Variants in ACTN4 observed in about 807,000 individuals in gnomAD.
The protein encoded by ACTN4 is alpha-actinin-4.
A neutral mutation model predicts 114.2 loss-of-function variants in ACTN4; 18 were observed. The ratio of observed to expected loss-of-function variants is 0.16; its 90% CI spans 0.11 to 0.23. ACTN4 has a LOEUF of 0.23. ACTN4 is among the 10% of genes least tolerant of loss of function. The pLI, the probability that ACTN4 is intolerant of heterozygous loss-of-function variation, is 1.00. For synonymous variants in ACTN4, 515 were observed against 506.3 expected (o/e 1.02, Z -0.23); for missense variants, 722 against 1,262.9 (o/e 0.57, Z 6.49).
intron 5 of ACTN4, 73 bp from the exon 6 acceptor site, chr19:38,708,044 G>GGTGCA (rs371745935): frequency 1.4e-6 from 2 of 1,447,000 alleles, no homozygotes; most frequent in African/African-American, 2.8e-5. Context: ...CACTGCTGTG[G>GGTGCA]GTGCACAGGG....
chr19:38,710,433 C>T, intron 8 of ACTN4, 91 bp downstream of exon 8: 1 of 1,395,020 alleles, frequency 7.2e-7, no homozygotes, highest in South Asian at 1.2e-5. Flanking sequence ...ATTTCTCTTG[C>T]AGACGGCAGT....
At position 38,724,294 on chromosome 19, in the gene ACTN4, C is replaced by T. The variant is rs760030691; in HGVS notation, c.1830C>T (p.Pro610=). ...ACATCAAGCTGTCGGGCAGCAACCC[C>T]TACACCACCGTCACCCCGCAAATCA... ...SNHIKLSGSN[P]YTTVTPQIIN... The change falls in exon 15 of 21, where the codon CCC becomes CCT. Residue 610 remains proline (P), a synonymous_variant. Coordinates refer to ENST00000252699, the MANE Select transcript of ACTN4 (RefSeq NM_004924.6). This position sits in a 1 kb window ranked among gnomAD's most constrained non-coding sequence, Gnocchi z 7.0. 2.5e-6 allele frequency: 4 copies of T among 1,613,918 alleles called. No homozygotes were observed. The South Asian group carries it at 4.4e-5, about 18-fold the overall frequency.
chr19:38,697,968 A>G (rs1299853753), intron 1 of ACTN4, among the ~76,000 whole-genome samples: 1 of 152,234 alleles, frequency 6.6e-6, no homozygotes, highest in Non-Finnish European at 1.5e-5. Flanking sequence ...GTAAAGGTGC[A>G]GGCGCCGTAC....
At chr19:38,696,473 C>T (rs191922927) in intron 1 of ACTN4, among the ~76,000 whole-genome samples, 228 of 152,142 alleles carry the variant, frequency 1.5e-3, no homozygotes, top group African/African-American at 5.2e-3. Context: ...TAGTCTAAAC[C>T]GGGTAGGGAG....
intron 1 of ACTN4, among the ~76,000 whole-genome samples, chr19:38,655,102 A>G (rs1976676103): frequency 6.6e-6 from 1 of 152,062 alleles, no homozygotes; most frequent in East Asian, 1.9e-4. Context: ...TTCCATAACC[A>G]CTTTTATAGA....
Position 38,730,508 on chromosome 19 carries a change from A to G in ACTN4, c.*1076A>G. The stretch of plus-strand genomic sequence containing the variant: ...CCACCCTCTGGGGACAGGATAATAA[A>G]ACATGTAATATTTTTAAGAAGGATT... On this transcript the variant is annotated 3_prime_UTR_variant, in exon 21 of 21. Coordinates refer to ENST00000252699, the MANE Select transcript of ACTN4 (RefSeq NM_004924.6). The G allele has an allele frequency of 2.8e-6, 1 of 351,600 alleles. No homozygotes were observed. Among genetic ancestry groups the G allele is most frequent in the Non-Finnish European group, 5.3e-6 (1 of 189,170 alleles). 21.8% of individuals were successfully genotyped at this position (351,600 alleles called of 1,614,324 possible).
intron 19 of ACTN4, 141 bp downstream of exon 19, chr19:38,728,167 C>T: frequency 3.1e-6 from 4 of 1,299,170 alleles, no homozygotes; most frequent in Non-Finnish European, 4.3e-6. Context: ...CCCACATCTC[C>T]CTGGACCCCT....
At chr19:38,722,504 C>T (rs1378622708) in intron 12 of ACTN4, among the ~76,000 whole-genome samples, 1 of 152,242 alleles carries the variant, frequency 6.6e-6, no homozygotes, top group Admixed American at 6.5e-5. Flanking sequence ...CCCAGTGGAG[C>T]CCCATGCTGG....
chr19:38,690,176 T>A (rs1199341774), intron 1 of ACTN4, among the ~76,000 whole-genome samples: 1 of 152,204 alleles, frequency 6.6e-6, no homozygotes, highest in Non-Finnish European at 1.5e-5. Flanking sequence ...TCCCACTGTA[T>A]GGAAGCTCTG....
chr19:38,706,173 C>T (rs1317145240), intron 5 of ACTN4, 42 bp downstream of exon 5: 1 of 1,583,904 alleles, frequency 6.3e-7, no homozygotes, highest in Non-Finnish European at 8.7e-7. Context: ...CCTCTAGGAA[C>T]CTGAGATCCT....
At chr19:38,720,751 G>A (rs971925918) in intron 11 of ACTN4, among the ~76,000 whole-genome samples, 1 of 152,242 alleles carries the variant, frequency 6.6e-6, no homozygotes, top group Non-Finnish European at 1.5e-5. Flanking sequence ...TGCACTGGGC[G>A]GGCAGCTGTC....
chr19:38,713,743 C>T (rs1968744724), intron 8 of ACTN4, among the ~76,000 whole-genome samples: 1 of 152,198 alleles, frequency 6.6e-6, no homozygotes, highest in Non-Finnish European at 1.5e-5. Flanking sequence ...GTTCTGTTGC[C>T]GTTTCAACTC....
chr19:38,730,586 GAGAGCCAGGGC>G lies in ACTN4; in HGVS notation c.*1160_*1170del, dbSNP rs1969509134. The G allele has an allele frequency of 5.4e-6, 3 of 559,766 alleles. No individual in the cohort carries two copies. The highest frequency in any genetic ancestry group is 9.6e-6 in the Non-Finnish European group (3 of 313,282). 34.7% of individuals were successfully genotyped at this position (559,766 alleles called of 1,614,324 possible). On this transcript the variant is annotated 3_prime_UTR_variant, in exon 21 of 21. Transcript: ENST00000252699. ...CCTGTGTCTGTCCTCCACCTTCTAG[GAGAGCCAGGGC>G]AGAGCTAGCACTGTCTTAAGCTGTC...
chr19:38,672,730 C>T (rs1271204267), intron 1 of ACTN4, among the ~76,000 whole-genome samples: 2 of 151,772 alleles, frequency 1.3e-5, no homozygotes, highest in African/African-American at 4.8e-5. Flanking sequence ...TGTGCCACCA[C>T]ACCCGGCTAA....
In ACTN4 at chr19:38,724,372, G is replaced by C; in HGVS notation, c.1875+33G>C. ...GGGGCCATCCGTAGGGGCTGGGGCA[G>C]GACGGCGGGGCTGGGGGCCACCTCC... On this transcript the variant is annotated intron_variant, in intron 15 of 20. Transcript: ENST00000252699. The surrounding 1 kb of genome is among the most constrained non-coding windows in gnomAD (Gnocchi z 7.0). The C allele has an allele frequency of 6.2e-7, 1 of 1,612,104 alleles. No homozygotes were observed. Among genetic ancestry groups the C allele is most frequent in the Non-Finnish European group, 8.5e-7 (1 of 1,179,508 alleles).
intron 1 of ACTN4, among the ~76,000 whole-genome samples, chr19:38,677,737 T>C (rs1259109089): frequency 1.3e-5 from 2 of 152,344 alleles, no homozygotes; most frequent in East Asian, 3.9e-4. Context: ...GCGATGCTTT[T>C]CTTTTTTTTC....
intron 1 of ACTN4, among the ~76,000 whole-genome samples, chr19:38,678,252 G>C (rs1967440625): frequency 6.6e-6 from 1 of 152,190 alleles, no homozygotes; most frequent in Non-Finnish European, 1.5e-5. Context: ...AGACCTTTTT[G>C]TTTTTTCCTT....
intron 3 of ACTN4, among the ~76,000 whole-genome samples, chr19:38,703,542 G>A (rs1123300): frequency 0.056 from 8,515 of 152,118 alleles, 250 homozygotes; most frequent in South Asian, 0.097. Context: ...ACAGCCGGCC[G>A]CAAATGTTTG....
intron 1 of ACTN4, among the ~76,000 whole-genome samples, chr19:38,699,904 T>G (rs1315006919): frequency 6.6e-6 from 1 of 152,182 alleles, no homozygotes; most frequent in Non-Finnish European, 1.5e-5. Flanking sequence ...TGGCCTTTCC[T>G]GGGAGGGCTT....
Sources: gnomAD v4.1 joint callset for allele counts (sites outside exome capture counted in the v4.1 genomes callset) on GRCh38, gnomAD v4.1.1 for gene constraint, Gnocchi (gnomAD v3.1) non-coding constraint, MANE v1.5 for transcripts, NCBI Gene and HGNC (gene_info 2026-07-23, HGNC 2026-07-21) for gene names.